EGFR: variants seen among roughly 807,000 people sequenced by gnomAD.
EGFR encodes the protein epidermal growth factor receptor.
In EGFR, 58 loss-of-function variants were observed where a neutral mutation model predicts 143.0. That is an observed-to-expected ratio of 0.41 (90% CI 0.33 to 0.50). EGFR has a LOEUF of 0.50. Ranked by LOEUF, EGFR falls within the 20% of genes least tolerant of loss-of-function variation. EGFR has a pLI of 0.39. For synonymous variants in EGFR, 613 were observed against 594.4 expected (o/e 1.03, Z -0.45); for missense variants, 1,307 against 1,579.0 (o/e 0.83, Z 2.92).
intron 15 of EGFR, among the ~76,000 whole-genome samples, chr7:55,165,876 C>T (rs1283928003): frequency 6.6e-6 from 1 of 152,194 alleles, no homozygotes; most frequent in Non-Finnish European, 1.5e-5. Flanking sequence ...GCTGTTGCTA[C>T]TTAAATTAAA....
intron 5 of EGFR, among the ~76,000 whole-genome samples, chr7:55,151,731 G>A (rs920524229): frequency 2.6e-5 from 4 of 152,100 alleles, no homozygotes; most frequent in African/African-American, 7.2e-5. Flanking sequence ...AAAATTAGCC[G>A]GGCGTGGTGG....
chr7:55,172,376 A>G (rs909239423), intron 16 of EGFR, among the ~76,000 whole-genome samples: 1 of 152,186 alleles, frequency 6.6e-6, no homozygotes, highest in Non-Finnish European at 1.5e-5. Flanking sequence ...AATGCACCCT[A>G]CAGTCTGAGG....
intron 1 of EGFR, among the ~76,000 whole-genome samples, chr7:55,061,668 G>C (rs1789191558): frequency 6.6e-6 from 1 of 151,980 alleles, no homozygotes; most frequent in Non-Finnish European, 1.5e-5. Context: ...GAGAGAGAGA[G>C]AGAGACTGTA....
In EGFR at chr7:55,019,349, T is replaced by C. The variant is rs1309426409; in HGVS notation, c.72T>C (p.Ala24=). ...CTGCGCTCTGCCCGGCGAGTCGGGC[T>C]CTGGAGGAAAAGAAAGGTAAGGGCG... The part of the protein sequence containing the change: ...LLAALCPASR[A]LEEKKVCQGT... Residue 24 remains alanine (A), a synonymous_variant, in exon 1 of 28, where the codon GCT becomes GCC. Transcript: ENST00000275493. 4 of 1,513,482 alleles carry C rather than the reference T, an allele frequency of 2.6e-6. No homozygotes were observed. In the African/African-American group the frequency reaches 5.8e-5, roughly 22 times the overall value. 93.8% of individuals were successfully genotyped at this position (1,513,482 alleles called of 1,614,324 possible).
chr7:55,114,974 C>A (rs956137418), intron 1 of EGFR, among the ~76,000 whole-genome samples: 1 of 151,356 alleles, frequency 6.6e-6, no homozygotes, highest in African/African-American at 2.4e-5. Context: ...CTCCGCCTCC[C>A]AGGTTCACAC....
At chr7:55,172,014 A>G (rs1031391495) in intron 16 of EGFR, among the ~76,000 whole-genome samples, 10 of 152,174 alleles carry the variant, frequency 6.6e-5, no homozygotes, top group African/African-American at 2.4e-4. Context: ...ATCGAGGAAG[A>G]AGGCAACTTC....
rs1217105962 is a variant in EGFR at position 55,142,457 on chromosome 7, C to T, written c.240+20C>T. 1.2e-6 allele frequency: 2 copies of T among 1,613,106 alleles called. No homozygotes were observed. The highest frequency in any genetic ancestry group is 1.7e-5 in the Admixed American group (1 of 60,018). Reference sequence around the variant, plus strand: ...TTAAAGGTTGGTGACTTTGATTTTCCTACACAAATAAAATTGGAGAAAATC... The same window carrying T: ...TTAAAGGTTGGTGACTTTGATTTTCTTACACAAATAAAATTGGAGAAAATC... On this transcript the variant is annotated intron_variant, in intron 2 of 27. Transcript: ENST00000275493.
chr7:55,076,347 C>A (rs1217489072), intron 1 of EGFR, among the ~76,000 whole-genome samples: 2 of 152,168 alleles, frequency 1.3e-5, no homozygotes, highest in African/African-American at 4.8e-5. Flanking sequence ...AAATACAAGA[C>A]TGATGTCCTT....
At chr7:55,110,816 C>G (rs929113790) in intron 1 of EGFR, among the ~76,000 whole-genome samples, 1 of 152,182 alleles carries the variant, frequency 6.6e-6, no homozygotes, top group African/African-American at 2.4e-5. Flanking sequence ...GACCAGCTGG[C>G]CCCTGGCAGA....
chr7:55,157,487 C>T (rs567484049), intron 10 of EGFR, among the ~76,000 whole-genome samples, 176 bp from the exon 11 acceptor site: 1 of 152,346 alleles, frequency 6.6e-6, no homozygotes, highest in East Asian at 1.9e-4. Flanking sequence ...GTGGCTCGGC[C>T]TGCGTCCGCC....
At chr7:55,117,391 G>A (rs1249040166) in intron 1 of EGFR, among the ~76,000 whole-genome samples, 1 of 152,144 alleles carries the variant, frequency 6.6e-6, no homozygotes, top group East Asian at 1.9e-4. Flanking sequence ...CCGGGGTGGG[G>A]GGGACCCACA....
Position 55,156,640 on chromosome 7 carries a change from C to T in EGFR, c.1114C>T (p.Leu372=), listed in dbSNP as rs1785431681. ...CTCCATCAGTGGCGATCTCCACATC[C>T]TGCCGGTGGCATTTAGGGGGTGAGT... ...CTSISGDLHI[L]PVAFRGDSFT... The change falls in exon 9 of 28, where the codon CTG becomes TTG. Residue 372 remains leucine (L), a synonymous_variant. Transcript: ENST00000275493. 6.2e-7 allele frequency: 1 copy of T among 1,614,256 alleles called. No individual in the cohort carries two copies. The highest frequency in any genetic ancestry group is 8.5e-7 in the Non-Finnish European group (1 of 1,180,048).
chr7:55,177,456 C>T (rs929438516), intron 19 of EGFR, among the ~76,000 whole-genome samples: 1 of 152,202 alleles, frequency 6.6e-6, no homozygotes, highest in African/African-American at 2.4e-5. Context: ...CACCAGGCCC[C>T]CACAGCCGGC....
At chr7:55,199,850 G>A (rs554810997) in intron 23 of EGFR, among the ~76,000 whole-genome samples, 6 of 152,332 alleles carry the variant, frequency 3.9e-5, no homozygotes, top group Middle Eastern at 3.4e-3. Flanking sequence ...GTGCTGTACT[G>A]GAGACGCCGG....
intron 1 of EGFR, among the ~76,000 whole-genome samples, chr7:55,040,695 C>T (rs1445595929): frequency 2.0e-5 from 3 of 152,020 alleles, no homozygotes; most frequent in African/African-American, 7.2e-5. Flanking sequence ...GACAACATGC[C>T]TTTTTCCCAG....
chr7:55,171,248 G>C (rs17290246), intron 16 of EGFR, 35 bp downstream of exon 16: 1 of 1,613,832 alleles, frequency 6.2e-7, no homozygotes, highest in Non-Finnish European at 8.5e-7. Flanking sequence ...CATGGACCTC[G>C]TCAAGAATGA....
At chr7:55,027,644 C>T (rs954678528) in intron 1 of EGFR, among the ~76,000 whole-genome samples, 1 of 152,176 alleles carries the variant, frequency 6.6e-6, no homozygotes, top group Non-Finnish European at 1.5e-5. Flanking sequence ...ACAATTTTCC[C>T]TAAAATGTGT....
rs2128975104 is a variant in EGFR at position 55,205,278 on chromosome 7, C to T, written c.3294C>T (p.Pro1098=). The T allele has an allele frequency of 6.2e-7, 1 of 1,613,146 alleles. No individual in the cohort carries two copies. ...PVPEYINQSV[P]KRPAGSVQNP... ...CAGAATACATAAACCAGTCCGTTCC[C>T]AAAAGGCCCGCTGGCTCTGTGCAGA... Residue 1098 remains proline (P), a synonymous_variant, in exon 28 of 28, where the codon CCC becomes CCT. Transcript: ENST00000275493.
chr7:55,152,100 G>C (rs1197138320), intron 5 of EGFR, among the ~76,000 whole-genome samples: 2 of 152,160 alleles, frequency 1.3e-5, no homozygotes, highest in African/African-American at 4.8e-5. Flanking sequence ...CCTGCTTTAC[G>C]ATGGAGAGGG....
Sources: allele counts gnomAD v4.1 joint callset (sites outside exome capture counted in the v4.1 genomes callset), GRCh38; gene constraint gnomAD v4.1.1; transcripts MANE v1.5; gene names NCBI Gene and HGNC (gene_info 2026-07-23, HGNC 2026-07-21).